The following ARHGEF7 variants were observed in gnomAD, a reference collection of about 807,000 sequenced individuals.
ARHGEF7 encodes PAK-interacting exchange factor beta.
Under a neutral mutation model 109.8 loss-of-function variants are expected in ARHGEF7, and 33 were observed. The observed-to-expected ratio is 0.30, with a 90% confidence interval of 0.23 to 0.40. ARHGEF7 has a LOEUF of 0.40. ARHGEF7 is among the 10% of genes least tolerant of loss of function. The probability of loss-of-function intolerance (pLI) is 1.00; values close to 1 mark genes in which losing one functional copy is unlikely to be tolerated. For missense variants in ARHGEF7, 938 were observed against 1,098.5 expected (o/e 0.85, Z 2.07); for synonymous variants, 458 against 424.6 (o/e 1.08, Z -0.97).
Position 111,146,950 on chromosome 13 carries a change from C to T in ARHGEF7, c.166-6955C>T, listed in dbSNP as rs183565916. 5.5e-4 allele frequency among the ~76,000 whole-genome samples: 84 copies of T among 152,336 alleles called. 1 individual carries two copies. The highest frequency in any genetic ancestry group is 1.0e-3 in the Admixed American group (16 of 15,308). On this transcript the variant is annotated intron_variant, in intron 1 of 21. Coordinates refer to ENST00000646102, the MANE Select transcript of ARHGEF7 (RefSeq NM_001354046.2). ...AATTGTAATGATTCTGGGACTATGT[C>T]TCTGCCTGGTTAGAGTTCTTGATGG...
chr13:111,231,409 G>C (rs992551724), intron 5 of ARHGEF7, among the ~76,000 whole-genome samples: 2 of 150,676 alleles, frequency 1.3e-5, no homozygotes, highest in African/African-American at 2.5e-5. Context: ...CTTGCAACTT[G>C]CAGCGGCACC....
rs1342412262 is a variant in ARHGEF7 at position 111,145,608 on chromosome 13, T to TA, written c.166-8296dup. ...TGCTGATTTCTGTGCCGTAGGTACT[T>TA]ACACCAGGGCTTTAAAGGCACCAGT... On this transcript the variant is annotated intron_variant, in intron 1 of 21. Coordinates refer to ENST00000646102, the MANE Select transcript of ARHGEF7 (RefSeq NM_001354046.2). This position sits in a 1 kb window ranked among gnomAD's most constrained non-coding sequence, Gnocchi z 4.3. Among the ~76,000 whole-genome samples, 1 of 152,160 alleles carries TA rather than the reference T, an allele frequency of 6.6e-6. No homozygotes were observed. Among genetic ancestry groups the TA allele is most frequent in the Non-Finnish European group, 1.5e-5 (1 of 68,026 alleles).
chr13:111,218,841 G>A (rs889905423), intron 5 of ARHGEF7, among the ~76,000 whole-genome samples: 5 of 152,154 alleles, frequency 3.3e-5, no homozygotes, highest in African/African-American at 1.2e-4. Flanking sequence ...GTTTTTCTAA[G>A]GTAGCAAGAA....
chr13:111,158,079 A>G (rs2076476497), intron 2 of ARHGEF7, among the ~76,000 whole-genome samples: 1 of 152,252 alleles, frequency 6.6e-6, no homozygotes, highest in Admixed American at 6.5e-5. Flanking sequence ...ACGTGGTTTC[A>G]GGAATATTAG....
At chr13:111,187,097 TTG>T (rs750033842) in intron 2 of ARHGEF7, 222 of 804,962 alleles carry the variant, frequency 2.8e-4, no homozygotes, top group Non-Finnish European at 3.3e-4. Flanking sequence ...GTGTGTCCTT[TTG>T]CGTGCATTTG....
intron 1 of ARHGEF7, among the ~76,000 whole-genome samples, chr13:111,149,490 G>C (rs1467191721): frequency 1.3e-5 from 2 of 152,148 alleles, no homozygotes; most frequent in African/African-American, 4.8e-5. Context: ...CTTGATCATT[G>C]AATTACTGAC....
intron 1 of ARHGEF7, chr13:111,116,531 T>G (rs576757911): frequency 5.1e-5 from 6 of 117,968 alleles, no homozygotes; most frequent in African/African-American, 1.7e-4. Flanking sequence ...CTCAAAATAC[T>G]AAAATCTTAT....
At chr13:111,133,801 ATATATAT>A (rs1566606952) in intron 1 of ARHGEF7, among the ~76,000 whole-genome samples, 28 of 33,654 alleles carry the variant, frequency 8.3e-4, no homozygotes, top group South Asian at 1.8e-3. Context: ...ATATATATAT[ATATATAT>A]ATATATTTAT....
chr13:111,121,573 T>C (rs1041820378), intron 1 of ARHGEF7, among the ~76,000 whole-genome samples: 16 of 151,896 alleles, frequency 1.1e-4, no homozygotes, highest in Admixed American at 7.9e-4. Context: ...TGGATTGGAG[T>C]CTTGTGTAGG....
intron 3 of ARHGEF7, 42 bp downstream of exon 3, chr13:111,205,415 T>A (rs762951675): frequency 2.8e-6 from 4 of 1,417,610 alleles, no homozygotes; most frequent in Non-Finnish European, 3.8e-6. Context: ...TGGGAAGACA[T>A]ACGGGCTGAC....
At chr13:111,157,856 C>T (rs1015848006) in intron 2 of ARHGEF7, among the ~76,000 whole-genome samples, 2 of 152,118 alleles carry the variant, frequency 1.3e-5, no homozygotes, top group Non-Finnish European at 2.9e-5. Flanking sequence ...CAAGATGTTC[C>T]CACCCTATGC....
intron 7 of ARHGEF7, 101 bp downstream of exon 7, chr13:111,244,067 T>G: frequency 8.0e-7 from 1 of 1,252,906 alleles, no homozygotes; most frequent in Non-Finnish European, 1.1e-6. Context: ...GAAACAAAAT[T>G]TAGTGTACCA....
At chr13:111,117,999 TAACTG>T (rs1281488201) in intron 1 of ARHGEF7, among the ~76,000 whole-genome samples, 1 of 152,284 alleles carries the variant, frequency 6.6e-6, no homozygotes, top group Non-Finnish European at 1.5e-5. Flanking sequence ...TTTGGAAACT[TAACTG>T]AATGTTCATG....
chr13:111,297,943 C>T (rs2093463304), intron 19 of ARHGEF7, among the ~76,000 whole-genome samples: 1 of 152,234 alleles, frequency 6.6e-6, no homozygotes, highest in African/African-American at 2.4e-5. Context: ...CAGTGTGTCT[C>T]ATTAGTGAAT....
rs914314655 is a variant in ARHGEF7 at position 111,239,751 on chromosome 13, CA to C, written c.760-4120del. Among the ~76,000 whole-genome samples, 31 of 152,124 alleles carry C rather than the reference CA, an allele frequency of 2.0e-4. No homozygotes were observed. Among genetic ancestry groups the C allele is most frequent in the African/African-American group, 6.5e-4 (27 of 41,484 alleles). ...GCTGGCTTCTTTCACACCTGGCTCC[CA>C]TTGTTTTTCATGGGATTTCCTTGCT... On this transcript the variant is annotated intron_variant, in intron 6 of 21. Transcript: ENST00000646102. The surrounding 1 kb of genome is among the most constrained non-coding windows in gnomAD (Gnocchi z 4.3).
chr13:111,225,504 G>T (rs868350002), intron 5 of ARHGEF7, among the ~76,000 whole-genome samples: 45 of 149,902 alleles, frequency 3.0e-4, no homozygotes, highest in African/African-American at 1.0e-3. Flanking sequence ...CACTTTGCTT[G>T]TTTTTTTGTT....
chr13:111,197,225 G>A (rs144465491), intron 2 of ARHGEF7, among the ~76,000 whole-genome samples: 2,261 of 150,574 alleles, frequency 0.015, 33 homozygotes, highest in Middle Eastern at 0.041. Flanking sequence ...AGTTGTGCTC[G>A]CCGACGCAGC....
At chr13:111,189,350 CAG>C (rs986459360) in intron 2 of ARHGEF7, among the ~76,000 whole-genome samples, 3 of 152,124 alleles carry the variant, frequency 2.0e-5, no homozygotes, top group Non-Finnish European at 2.9e-5. Context: ...TCAGATGTGT[CAG>C]AGTTTCTTCT....
intron 3 of ARHGEF7, among the ~76,000 whole-genome samples, chr13:111,206,113 A>G (rs1036789360): frequency 3.3e-5 from 5 of 151,110 alleles, no homozygotes; most frequent in Admixed American, 6.6e-5. Flanking sequence ...TTTTTTTCCT[A>G]TTTACCTTCA....
Sources: gnomAD v4.1 joint callset for allele counts (sites outside exome capture counted in the v4.1 genomes callset) on GRCh38, gnomAD v4.1.1 for gene constraint, Gnocchi (gnomAD v3.1) non-coding constraint, MANE v1.5 for transcripts, NCBI Gene and HGNC (gene_info 2026-07-23, HGNC 2026-07-21) for gene names.